The following BEAN1 variants were observed in gnomAD, a reference collection of about 807,000 sequenced individuals.
BEAN1 encodes brain expressed associated with NEDD4 1, also known as protein BEAN1.
Under a neutral mutation model 17.7 loss-of-function variants are expected in BEAN1, and 17 were observed. That is an observed-to-expected ratio of 0.96 (90% CI 0.66 to 1.44). BEAN1 has a LOEUF of 1.44. Among genes scored for constraint, BEAN1 ranks in the 40% most tolerant of loss-of-function variants. The pLI is 0.00. For synonymous variants in BEAN1, 142 were observed against 151.8 expected (o/e 0.94, Z 0.47); for missense variants, 359 against 374.1 (o/e 0.96, Z 0.33).
chr16:66,431,998 G>T (rs1453327642), intron 1 of BEAN1, among the ~76,000 whole-genome samples: 1 of 151,998 alleles, frequency 6.6e-6, no homozygotes, highest in African/African-American at 2.4e-5. Flanking sequence ...GTAGAGACGA[G>T]GTTTCATTGT....
intron 2 of BEAN1, among the ~76,000 whole-genome samples, chr16:66,452,777 G>A (rs755314631): frequency 3.3e-5 from 5 of 151,902 alleles, no homozygotes; most frequent in Non-Finnish European, 7.4e-5. Context: ...GGCACCTCAC[G>A]TGGCAGACTC....
intron 2 of BEAN1, among the ~76,000 whole-genome samples, chr16:66,461,569 G>GGCAGAC (rs1555519659): frequency 7.1e-6 from 1 of 140,838 alleles, no homozygotes; most frequent in Non-Finnish European, 1.6e-5. Flanking sequence ...GGCAGGCGCA[G>GGCAGAC]ACACACACAC....
At chr16:66,475,224 G>T (rs971496508) in intron 3 of BEAN1, among the ~76,000 whole-genome samples, 1 of 152,044 alleles carries the variant, frequency 6.6e-6, no homozygotes, top group African/African-American at 2.4e-5. Flanking sequence ...GCGGGTGCAG[G>T]TTTCTTTCCA....
chr16:66,488,340 A>G (rs1232724745), intron 4 of BEAN1, among the ~76,000 whole-genome samples: 1 of 152,060 alleles, frequency 6.6e-6, no homozygotes, highest in Non-Finnish European at 1.5e-5. Context: ...GGGTCGAAGA[A>G]TGAGAGAAAA....
chr16:66,479,163 A>G (rs1567508686), intron 4 of BEAN1: 1 of 152,110 alleles, frequency 6.6e-6, no homozygotes, highest in African/African-American at 2.4e-5. Context: ...GTATCTGGGG[A>G]TGTGGCTCAG....
At chr16:66,494,092 G>A (rs1188220517), downstream of BEAN1, among the ~76,000 whole-genome samples, 1 of 152,192 alleles carries the variant, frequency 6.6e-6, no homozygotes, top group African/African-American at 2.4e-5. Context: ...CACCATCCCA[G>A]CAATAGCTGA....
intron 4 of BEAN1, among the ~76,000 whole-genome samples, chr16:66,492,233 G>A (rs544926904): frequency 6.6e-6 from 1 of 151,888 alleles, no homozygotes; most frequent in East Asian, 1.9e-4. Flanking sequence ...GTAGAGACGG[G>A]GTTTCACCAT....
chr16:66,444,620 C>T (rs1224675350), intron 2 of BEAN1, among the ~76,000 whole-genome samples: 1 of 152,122 alleles, frequency 6.6e-6, no homozygotes, highest in African/African-American at 2.4e-5. Context: ...GCCAACAGCC[C>T]AGGAGAGGGT....
rs1258493271 is a variant in BEAN1, at chr16:66,434,752, A to C, written c.-82-2843A>C. On this transcript the variant is annotated intron_variant, in intron 1 of 4. Transcript: ENST00000536005. The surrounding 1 kb of genome is among the most constrained non-coding windows in gnomAD (Gnocchi z 4.3). Reference sequence around the variant, plus strand: ...CCTGGGAAGCATCTCAGCTTTTTGCATAGAGATCCTCCTCTTCAGCAAGCC... The same window carrying C: ...CCTGGGAAGCATCTCAGCTTTTTGCCTAGAGATCCTCCTCTTCAGCAAGCC... 6.6e-6 allele frequency among the ~76,000 whole-genome samples: 1 copy of C among 152,120 alleles called. No homozygotes were observed. Among genetic ancestry groups the C allele is most frequent in the Admixed American group, 6.5e-5 (1 of 15,282 alleles).
At chr16:66,440,351 G>C (rs574423923) in intron 2 of BEAN1, among the ~76,000 whole-genome samples, 1 of 151,898 alleles carries the variant, frequency 6.6e-6, no homozygotes, top group Non-Finnish European at 1.5e-5. Context: ...GGCTCGTCTC[G>C]AACTCCTGAC....
chr16:66,461,424 T>G (rs4783599), intron 2 of BEAN1, among the ~76,000 whole-genome samples: 40,929 of 151,958 alleles, frequency 0.27, 6,738 homozygotes, highest in African/African-American at 0.44. Flanking sequence ...CTCCCGCCCA[T>G]CTGGTAATGA....
At chr16:66,440,046 A>T (rs1232076770) in intron 2 of BEAN1, among the ~76,000 whole-genome samples, 1 of 151,094 alleles carries the variant, frequency 6.6e-6, no homozygotes, top group African/African-American at 2.4e-5. Context: ...GCACCCCAAC[A>T]TCCCATCAAC....
exon 5 of BEAN1, chr16:66,493,503 AC>A: frequency 1.7e-6 from 1 of 599,088 alleles, no homozygotes; most frequent in Non-Finnish European, 3.0e-6. Context: ...TGCTTCAGTG[AC>A]CCTGTCTTAC....
At chr16:66,477,868 C>A in intron 4 of BEAN1, 158 bp downstream of exon 4, 1 of 772,224 alleles carries the variant, frequency 1.3e-6, no homozygotes, top group Non-Finnish European at 1.9e-6. Context: ...CACTCCTGAC[C>A]AAGTAGGTCC....
chr16:66,474,633 G>A (rs1474618259), intron 3 of BEAN1, among the ~76,000 whole-genome samples: 4 of 54,956 alleles, frequency 7.3e-5, no homozygotes, highest in Admixed American at 1.8e-4. Flanking sequence ...AGGGAGGGAG[G>A]GAGGGAGGGA....
rs1963964682 is a variant in BEAN1 at position 66,480,897 on chromosome 16, C to T, written c.752C>T (p.Pro251Leu). The stretch of plus-strand genomic sequence containing the variant: ...GGCTCACCCACCCCAACCCGGGCCC[C>T]AGCCTCTGGCCCAGAGAGGATTGTG... The part of the protein sequence containing the change: ...SQGSPTPTRA[P>L]ASGPERIV Residue 251 changes from proline to leucine, a missense_variant, in exon 5 of 5, where the codon CCA (proline) becomes CTA (leucine). Pro to Leu is a moderately conservative substitution (Grantham distance 98). Transcript: ENST00000536005. 2.0e-6 allele frequency: 3 copies of T among 1,464,596 alleles called. No homozygotes were observed. The East Asian group carries it at 7.5e-5, about 37-fold the overall frequency. 90.7% of individuals were successfully genotyped at this position (1,464,596 alleles called of 1,614,324 possible). A position where few individuals can be genotyped will look rare whatever the true frequency, so the allele number is the denominator to read the frequency against.
At chr16:66,430,022 C>T (rs916106662) in intron 1 of BEAN1, among the ~76,000 whole-genome samples, 11 of 152,188 alleles carry the variant, frequency 7.2e-5, no homozygotes, top group African/African-American at 2.4e-4. Context: ...AGGGCTTCTG[C>T]AGTCCATTAG....
intron 1 of BEAN1, among the ~76,000 whole-genome samples, chr16:66,432,794 C>G (rs1163822743): frequency 6.6e-6 from 1 of 152,204 alleles, no homozygotes; most frequent in South Asian, 2.1e-4. Flanking sequence ...GTCTTTTGCC[C>G]TCTCTGCTAC....
downstream of BEAN1, chr16:66,484,749 G>A (rs1567512655): frequency 2.2e-6 from 1 of 453,924 alleles, no homozygotes; most frequent in South Asian, 1.6e-5. The surrounding 1 kb of genome is among the most constrained non-coding windows in gnomAD (Gnocchi z 4.2). Flanking sequence ...GCAGGCCACT[G>A]AGCGCAGTCC....
Sources: gnomAD v4.1 joint callset for allele counts (sites outside exome capture counted in the v4.1 genomes callset) on GRCh38, gnomAD v4.1.1 for gene constraint, Gnocchi (gnomAD v3.1) non-coding constraint, MANE v1.5 for transcripts, NCBI Gene and HGNC (gene_info 2026-07-23, HGNC 2026-07-21) for gene names.